The following UVSSA variants were observed in gnomAD, a reference collection of about 807,000 sequenced individuals.
UVSSA encodes UV-stimulated scaffold protein A.
Under a neutral mutation model 73.9 loss-of-function variants are expected in UVSSA, and 72 were observed. The ratio of observed to expected loss-of-function variants is 0.97; its 90% confidence interval spans 0.81 to 1.19. The LOEUF is 1.19. Ranked by LOEUF, UVSSA falls within the 50% of genes most tolerant of loss-of-function variation. The pLI, the probability that UVSSA is intolerant of heterozygous loss-of-function variation, is 0.00. For synonymous variants in UVSSA, 454 were observed against 391.3 expected (o/e 1.16, Z -1.89); for missense variants, 1,150 against 965.0 (o/e 1.19, Z -2.54).
intron 8 of UVSSA, among the ~76,000 whole-genome samples, chr4:1,374,431 A>G (rs1475518299): frequency 6.6e-6 from 1 of 152,222 alleles, no homozygotes; most frequent in Non-Finnish European, 1.5e-5. Context: ...AGCCAAGCGC[A>G]GGCTGTGGTG....
Position 1,380,041 on chromosome 4 carries a change from C to G in UVSSA, c.1569-6C>G, listed in dbSNP as rs4417914. ...ATGCTATGAGGGCCTCTGGCTGTGT[C>G]TGCAGGTCTGACTCCCAGCACCGCT... On this transcript the variant is annotated splice_polypyrimidine_tract_variant and splice_region_variant and intron_variant, in intron 10 of 13. Coordinates refer to ENST00000389851, the MANE Select transcript of UVSSA (RefSeq NM_020894.4). 31 of 1,597,542 alleles carry G rather than the reference C, an allele frequency of 1.9e-5. No individual in the cohort carries two copies. The highest frequency in any genetic ancestry group is 5.4e-5 in the African/African-American group (4 of 74,730).
At chr4:1,370,556 C>T (rs1243744779) in intron 8 of UVSSA, among the ~76,000 whole-genome samples, 4 of 152,380 alleles carry the variant, frequency 2.6e-5, no homozygotes, top group African/African-American at 4.8e-5. Flanking sequence ...GAGGAGCTCC[C>T]GAGCGGGACA....
In UVSSA at chr4:1,349,547, G is replaced by T. The variant is rs770306039; in HGVS notation, c.122G>T (p.Arg41Leu). The T allele has an allele frequency of 1.9e-6, 3 of 1,613,488 alleles. No individual in the cohort carries two copies. The highest frequency in any genetic ancestry group is 2.5e-6 in the Non-Finnish European group (3 of 1,179,844). The stretch of plus-strand genomic sequence containing the variant: ...AGGTCTTCAGAGGAGCAGCTGAGCC[G>T]CGCCTACCGCCTGCTGATAGCACAG... ...ICKSSEEQLSRAYRLLIAQLT... is the reference protein window; with the variant it reads ...ICKSSEEQLSLAYRLLIAQLT... Residue 41 changes from arginine (R) to leucine (L), a missense_variant, in exon 3 of 14, where the codon CGC becomes CTC. By Grantham distance (102) the Arg-to-Leu change is moderately radical (BLOSUM62 -2). Coordinates refer to ENST00000389851, the MANE Select transcript of UVSSA (RefSeq NM_020894.4).
upstream of UVSSA, among the ~76,000 whole-genome samples, chr4:1,343,388 G>T (rs1713500478): frequency 6.6e-6 from 1 of 152,056 alleles, no homozygotes; most frequent in African/African-American, 2.4e-5. Flanking sequence ...TCCAAATAAA[G>T]TCACATTGGA....
At chr4:1,374,980 C>T (rs113426901) in intron 8 of UVSSA, 21 of 230,662 alleles carry the variant, frequency 9.1e-5, no homozygotes, top group East Asian at 1.2e-4. Flanking sequence ...ATCTCACCAC[C>T]GGAGCCTGAG....
downstream of UVSSA, chr4:1,390,455 A>G (rs1240827071): frequency 6.6e-6 from 1 of 152,072 alleles, no homozygotes; most frequent in African/African-American, 2.4e-5. Flanking sequence ...AAATTTTTAA[A>G]AATTTTGTTG....
chr4:1,385,064 G>A (rs1041093522), intron 13 of UVSSA: 1 of 152,342 alleles, frequency 6.6e-6, no homozygotes, highest in Non-Finnish European at 1.5e-5. Flanking sequence ...GGCCAGCCTT[G>A]GTGCTGATGC....
intron 8 of UVSSA, chr4:1,375,156 C>A (rs1424117413): frequency 4.1e-6 from 3 of 724,336 alleles, no homozygotes; most frequent in Non-Finnish European, 2.2e-6. Context: ...GACCCCCCGA[C>A]GCACGCCATG....
rs759147508 is a variant in UVSSA at position 1,395,121 on chromosome 4, C to T, written c.*9160C>T. 27 of 1,307,832 alleles carry T rather than the reference C, an allele frequency of 2.1e-5. 6 individuals are homozygous for T. The highest frequency in any genetic ancestry group is 6.2e-5 in the Admixed American group (3 of 48,678). The allele number at this position is 1,307,832 out of a possible 1,614,324, so 81.0% of individuals were successfully genotyped here. ...GGAGTGCTCGCCTGCTCACACGTGC[C>T]GATGTGGAGTGCCTGCCTGCTCACA... On this transcript the variant is annotated 3_prime_UTR_variant, in exon 14 of 14. Coordinates refer to the UVSSA transcript ENST00000511216.
intron 2 of UVSSA, among the ~76,000 whole-genome samples, 169 bp downstream of exon 2, chr4:1,348,358 G>A (rs1240737613): frequency 1.3e-5 from 2 of 152,238 alleles, no homozygotes; most frequent in Non-Finnish European, 2.9e-5. Context: ...CATGTTCTGG[G>A]GTCGGGGCGT....
At chr4:1,394,327 C>A in exon 14 of UVSSA, 1 of 1,085,734 alleles carries the variant, frequency 9.2e-7, no homozygotes, top group South Asian at 1.7e-5. Context: ...TTGTGTTCTA[C>A]TTAGAATGCT....
chr4:1,354,809 C>A lies in UVSSA; in HGVS notation c.1009C>A (p.Arg337=). 6.2e-7 allele frequency: 1 copy of A among 1,613,038 alleles called. No individual in the cohort carries two copies. Among genetic ancestry groups the A allele is most frequent in the Non-Finnish European group, 8.5e-7 (1 of 1,179,906 alleles). ...CGCCCGCGACACACTCAAGCTCATC[C>A]GGAACAAGTTCCTGCCGGCTGTGTG... ...HAARDTLKLI[R]NKFLPAVCSW... is the part of the protein sequence containing the mutation. Residue 337 remains arginine (R), a synonymous_variant, in exon 6 of 14, where the codon CGG becomes AGG. Coordinates refer to ENST00000389851, the MANE Select transcript of UVSSA (RefSeq NM_020894.4).
rs1202339185 is a variant in UVSSA at position 1,375,435 on chromosome 4, G to A, written c.1360G>A (p.Val454Met). Residue 454 changes from valine to methionine, a missense_variant, in exon 9 of 14, where the codon GTG becomes ATG. By Grantham distance (21) the Val-to-Met change is conservative. Transcript: ENST00000389851. ...GACGAGGACGAGGATGGACGAGGAG[G>A]TGTCGGACCCCACCTCTGCGGCTGC... ...LRTRTRMDEE[V>M]SDPTSAAAQL... The A allele has an allele frequency of 6.2e-7, 1 of 1,613,446 alleles. No individual in the cohort carries two copies. Among genetic ancestry groups the A allele is most frequent in the African/African-American group, 1.3e-5 (1 of 75,054 alleles).
chr4:1,351,748 G>A lies in UVSSA; in HGVS notation c.463G>A (p.Ala155Thr), dbSNP rs771361310. ...DFQDTNARSL[A>T]ERKREEEKQK... Reference sequence around the variant, plus strand: ...TCAAGACACGAATGCTCGGAGTCTGGCAGAAAGGAAGAGAGAAGAGGAGAA... The same window carrying A: ...TCAAGACACGAATGCTCGGAGTCTGACAGAAAGGAAGAGAGAAGAGGAGAA... Residue 155 changes from alanine to threonine, a missense_variant, in exon 4 of 14, where the codon GCA becomes ACA. Physicochemically the swap from Ala to Thr is moderately conservative, Grantham distance 58. Coordinates refer to ENST00000389851, the MANE Select transcript of UVSSA (RefSeq NM_020894.4). 1.2e-6 allele frequency: 2 copies of A among 1,613,552 alleles called. No homozygotes were observed. The highest frequency in any genetic ancestry group is 1.7e-6 in the Non-Finnish European group (2 of 1,179,766).
At chr4:1,369,118 T>C (rs1717702824) in intron 8 of UVSSA, among the ~76,000 whole-genome samples, 1 of 131,018 alleles carries the variant, frequency 7.6e-6, no homozygotes, top group Non-Finnish European at 1.5e-5. Flanking sequence ...GCTAACCACG[T>C]TCTGCCGTTC....
At position 1,368,558 on chromosome 4, in the gene UVSSA, G is replaced by A. The variant is rs377511627; in HGVS notation, c.1288+2127G>A. Among the ~76,000 whole-genome samples the A allele has an allele frequency of 6.3e-4, 96 of 152,348 alleles. 3 individuals are homozygous for A. The South Asian group carries it at 0.015, about 24-fold the overall frequency. ...GAAGCCCAGGGGTCCTGAGCCCATCGACAATAGCGTCCAGCCAAGGGGGCC... is the reference window on the plus strand; with the variant it reads ...GAAGCCCAGGGGTCCTGAGCCCATCAACAATAGCGTCCAGCCAAGGGGGCC... On this transcript the variant is annotated intron_variant, in intron 8 of 13. Coordinates refer to ENST00000389851, the MANE Select transcript of UVSSA (RefSeq NM_020894.4).
exon 14 of UVSSA, chr4:1,395,749 C>G: frequency 1.9e-6 from 3 of 1,614,184 alleles, no homozygotes; most frequent in Non-Finnish European, 2.5e-6. Context: ...GTCCTGCCGG[C>G]CGAGTCAGAC....
chr4:1,345,203 G>A (rs776900879), upstream of UVSSA, among the ~76,000 whole-genome samples: 13 of 152,178 alleles, frequency 8.5e-5, no homozygotes, highest in Non-Finnish European at 1.6e-4. Flanking sequence ...CAGTGGCAAT[G>A]AGGCAGTGGG....
chr4:1,348,905 C>A (rs570592262), intron 2 of UVSSA, among the ~76,000 whole-genome samples: 1 of 152,168 alleles, frequency 6.6e-6, no homozygotes, highest in Non-Finnish European at 1.5e-5. Context: ...CTAGGCCTTC[C>A]TTCCTTCCTG....
Sources: allele counts gnomAD v4.1 joint callset (sites outside exome capture counted in the v4.1 genomes callset), GRCh38; gene constraint gnomAD v4.1.1; transcripts MANE v1.5; gene names NCBI Gene and HGNC (gene_info 2026-07-23, HGNC 2026-07-21).